Variants in CBR4 observed in about 807,000 individuals in gnomAD.
CBR4 encodes the protein carbonyl reductase 4.
A neutral mutation model predicts 21.0 loss-of-function variants in CBR4; 22 were observed. The ratio of observed to expected loss-of-function variants is 1.05; its 90% CI spans 0.75 to 1.50. The LOEUF (loss-of-function observed/expected upper bound fraction) is 1.50. CBR4 is among the 40% of genes most tolerant of loss of function. The pLI, the probability that CBR4 is intolerant of heterozygous loss-of-function variation, is 0.00. For missense variants in CBR4, 302 were observed against 286.3 expected (o/e 1.05, Z -0.40); for synonymous variants, 100 against 104.4 (o/e 0.96, Z 0.26).
chr4:168,975,679 A>G (rs141944956), intron 2 of CBR4, among the ~76,000 whole-genome samples: 1 of 152,260 alleles, frequency 6.6e-6, no homozygotes, highest in Non-Finnish European at 1.5e-5. Context: ...GATTTTGGCT[A>G]CCAAGATGGG....
Position 168,987,679 on chromosome 4 carries a change from T to A in CBR4, c.*2471A>T. ...TTTCTCAATTTACACATATTCCTTTTGAAAATCTTAGAAAAAATGTTTCAC... is the reference window on the plus strand; with the variant it reads ...TTTCTCAATTTACACATATTCCTTTAGAAAATCTTAGAAAAAATGTTTCAC... On this transcript the variant is annotated 3_prime_UTR_variant, in exon 5 of 5. Transcript: ENST00000306193. 1 of 980,296 alleles carries A rather than the reference T, an allele frequency of 1.0e-6. No homozygotes were observed. The highest frequency in any genetic ancestry group is 1.2e-6 in the Non-Finnish European group (1 of 825,214). 60.7% of individuals were successfully genotyped at this position (980,296 alleles called of 1,614,324 possible). A position where few individuals can be genotyped will look rare whatever the true frequency, so the allele number is the denominator to read the frequency against.
intron 2 of CBR4, chr4:168,925,167 T>TAAA: frequency 6.3e-7 from 1 of 1,582,682 alleles, no homozygotes; most frequent in East Asian, 2.2e-5. Context: ...TTACTCTTTA[T>TAAA]AAACAACTAT....
At chr4:168,974,991 A>G (rs3942) in intron 2 of CBR4, among the ~76,000 whole-genome samples, 104,438 of 152,038 alleles carry the variant, frequency 0.69, 37,414 homozygotes, top group East Asian at 0.96. Flanking sequence ...TTGTTTTGTC[A>G]TATTACCAGA....
intron 2 of CBR4, among the ~76,000 whole-genome samples, chr4:168,941,587 T>C (rs909626792): frequency 6.6e-6 from 1 of 152,170 alleles, no homozygotes; most frequent in Admixed American, 6.5e-5. Flanking sequence ...TACCCAGTAA[T>C]GGGATTGCTG....
chr4:168,941,176 G>A (rs1033559552), intron 2 of CBR4, among the ~76,000 whole-genome samples: 4 of 152,070 alleles, frequency 2.6e-5, no homozygotes, highest in African/African-American at 4.8e-5. Context: ...ACAGCCTGTC[G>A]GGGGTGGGGG....
intron 2 of CBR4, among the ~76,000 whole-genome samples, chr4:168,972,864 G>C (rs114933376): frequency 0.011 from 1,708 of 152,274 alleles, 14 homozygotes; most frequent in Non-Finnish European, 0.016. Flanking sequence ...AGTTCTTAAA[G>C]GAAATACTTT....
At chr4:168,974,764 T>TAGA (rs1764318177) in intron 2 of CBR4, among the ~76,000 whole-genome samples, 1 of 152,196 alleles carries the variant, frequency 6.6e-6, no homozygotes, top group African/African-American at 2.4e-5. Context: ...GATTGTCTTT[T>TAGA]CTTTATGATA....
chr4:168,992,490 T>C (rs903989753), intron 4 of CBR4, among the ~76,000 whole-genome samples: 2 of 152,172 alleles, frequency 1.3e-5, no homozygotes, highest in African/African-American at 4.8e-5. Context: ...CCTGCATTCA[T>C]TTGTATTTAT....
intron 2 of CBR4, among the ~76,000 whole-genome samples, chr4:168,958,236 C>G (rs1248238871): frequency 6.6e-6 from 1 of 151,820 alleles, no homozygotes; most frequent in East Asian, 1.9e-4. Context: ...TGTACTCCAG[C>G]CTGGGTGACA....
intron 2 of CBR4, among the ~76,000 whole-genome samples, chr4:168,948,009 T>C (rs541494395): frequency 2.6e-5 from 4 of 152,322 alleles, no homozygotes; most frequent in African/African-American, 9.6e-5. Flanking sequence ...GTAGAAGTGC[T>C]CCCTGATCAC....
intron 2 of CBR4, among the ~76,000 whole-genome samples, chr4:168,967,707 G>A (rs1764084510): frequency 6.6e-6 from 1 of 152,176 alleles, no homozygotes; most frequent in Admixed American, 6.5e-5. Context: ...ACTGGAGCAG[G>A]TGGATGGGGA....
At chr4:169,005,551 T>C (rs1730839244) in intron 3 of CBR4, among the ~76,000 whole-genome samples, 1 of 152,216 alleles carries the variant, frequency 6.6e-6, no homozygotes. Context: ...GGAGGACTAA[T>C]GGGTTTTTTA....
At chr4:168,997,796 G>A (rs1047847424) in intron 4 of CBR4, among the ~76,000 whole-genome samples, 1 of 152,036 alleles carries the variant, frequency 6.6e-6, no homozygotes, top group African/African-American at 2.4e-5. Flanking sequence ...ATTGTGAGAT[G>A]GGGCACTATT....
intron 2 of CBR4, among the ~76,000 whole-genome samples, chr4:168,946,435 T>C (rs1218135158): frequency 6.6e-6 from 1 of 152,224 alleles, no homozygotes; most frequent in Non-Finnish European, 1.5e-5. Flanking sequence ...CCTGTTTTAC[T>C]CTAATTCTCT....
At chr4:168,940,350 T>G (rs1028422903) in intron 2 of CBR4, among the ~76,000 whole-genome samples, 4 of 152,182 alleles carry the variant, frequency 2.6e-5, no homozygotes, top group Admixed American at 2.0e-4. Flanking sequence ...GAAGGAAACC[T>G]AGGCAATACC....
chr4:169,009,202 G>C, intron 1 of CBR4: 2 of 382,172 alleles, frequency 5.2e-6, no homozygotes, highest in South Asian at 3.9e-5. Context: ...TAGCATCTTC[G>C]GATCTAACGT....
chr4:169,004,900 A>C (rs1730777077), intron 3 of CBR4, among the ~76,000 whole-genome samples: 1 of 152,232 alleles, frequency 6.6e-6, no homozygotes, highest in South Asian at 2.1e-4. Context: ...AACTATATGC[A>C]AATAAACTCT....
At chr4:168,903,618 C>T in intron 2 of CBR4, 1 of 688,356 alleles carries the variant, frequency 1.5e-6, no homozygotes, top group South Asian at 1.7e-5. Context: ...AAATCAATTC[C>T]TTAGTCAGGT....
rs1484758238 is a variant in CBR4 at position 168,921,644 on chromosome 4, C to T, written n.170-26879G>A. On this transcript the variant is annotated intron_variant and non_coding_transcript_variant, in intron 2 of 3. Coordinates refer to the CBR4 transcript ENST00000509108. ...GTGAGAACGGGGTGCACTCTCTGAT[C>T]ATAGAGCCAGTCACGTCACGTGATG... The T allele has an allele frequency of 8.7e-6, 14 of 1,611,330 alleles. No individual in the cohort carries two copies. The highest frequency in any genetic ancestry group is 5.4e-5 in the African/African-American group (4 of 74,098).
Sources: allele counts gnomAD v4.1 joint callset (sites outside exome capture counted in the v4.1 genomes callset), GRCh38; gene constraint gnomAD v4.1.1; transcripts MANE v1.5; gene names NCBI Gene and HGNC (gene_info 2026-07-23, HGNC 2026-07-21).